MEMO1: variants seen among roughly 807,000 people sequenced by gnomAD.
MEMO1 encodes protein MEMO1.
In MEMO1, 6 loss-of-function variants were observed where a neutral mutation model predicts 45.2. That is an observed-to-expected ratio of 0.13 (90% confidence interval 0.07 to 0.26). MEMO1 has a LOEUF of 0.26. Ranked by LOEUF, MEMO1 falls within the 10% of genes least tolerant of loss-of-function variation. The pLI, the probability that MEMO1 is intolerant of heterozygous loss-of-function variation, is 1.00. For missense variants in MEMO1, 184 were observed against 370.5 expected (o/e 0.50, Z 4.13); for synonymous variants, 78 against 124.3 (o/e 0.63, Z 2.48).
chr2:31,885,626 G>A (rs1365457827), intron 7 of MEMO1, among the ~76,000 whole-genome samples: 5 of 152,104 alleles, frequency 3.3e-5, no homozygotes, highest in African/African-American at 1.2e-4. Context: ...CTCACTATAA[G>A]AACAATATTC....
intron 6 of MEMO1, among the ~76,000 whole-genome samples, chr2:31,897,389 C>T (rs1183036953): frequency 6.6e-6 from 1 of 152,184 alleles, no homozygotes; most frequent in Non-Finnish European, 1.5e-5. Context: ...GAGATACATT[C>T]CATCAATATC....
chr2:31,914,605 T>A (rs1681131797), intron 6 of MEMO1, among the ~76,000 whole-genome samples: 1 of 152,062 alleles, frequency 6.6e-6, no homozygotes, highest in African/African-American at 2.4e-5. Flanking sequence ...ATGTACCCCA[T>A]ATATACACCA....
At chr2:31,967,372 C>T (rs550746499) in intron 2 of MEMO1, among the ~76,000 whole-genome samples, 1 of 152,322 alleles carries the variant, frequency 6.6e-6, no homozygotes, top group East Asian at 1.9e-4. Flanking sequence ...GATCCGCCTG[C>T]CTCAGCCTCC....
chr2:31,953,766 G>A (rs1667111765), intron 2 of MEMO1, among the ~76,000 whole-genome samples: 1 of 151,974 alleles, frequency 6.6e-6, no homozygotes, highest in Non-Finnish European at 1.5e-5. Flanking sequence ...CCCTTTATAA[G>A]ATTTTGATAC....
intron 8 of MEMO1, among the ~76,000 whole-genome samples, chr2:31,876,692 C>T (rs1674617910): frequency 6.6e-6 from 1 of 152,106 alleles, no homozygotes; most frequent in South Asian, 2.1e-4. Flanking sequence ...CTGCCCCACC[C>T]CCACCAAAAA....
intron 3 of MEMO1, among the ~76,000 whole-genome samples, chr2:31,942,804 G>C (rs1236242302): frequency 6.6e-6 from 1 of 152,054 alleles, no homozygotes; most frequent in Non-Finnish European, 1.5e-5. Flanking sequence ...TTACAGGTGT[G>C]AGCCACCACA....
intron 2 of MEMO1, among the ~76,000 whole-genome samples, chr2:31,993,999 C>A (rs1350049436): frequency 9.1e-6 from 1 of 110,478 alleles, no homozygotes; most frequent in African/African-American, 3.6e-5. Context: ...CTTGCTCTGT[C>A]GCCCAGGCTT....
intron 4 of MEMO1, among the ~76,000 whole-genome samples, chr2:31,922,607 G>T (rs1682486831): frequency 6.6e-6 from 1 of 151,330 alleles, no homozygotes; most frequent in African/African-American, 2.4e-5. Context: ...TCCATAAGTA[G>T]TTTTTTTATC....
chr2:31,945,251 G>A (rs888849899), intron 2 of MEMO1, among the ~76,000 whole-genome samples: 2 of 152,124 alleles, frequency 1.3e-5, no homozygotes, highest in Non-Finnish European at 2.9e-5. Flanking sequence ...TGCACTATAC[G>A]AATATAGCAA....
intron 2 of MEMO1, among the ~76,000 whole-genome samples, chr2:32,008,603 C>T (rs1674400922): frequency 1.3e-5 from 2 of 152,096 alleles, no homozygotes; most frequent in African/African-American, 2.4e-5. Context: ...AAAAAAACCA[C>T]TTCTCTACAT....
chr2:31,870,191 C>T (rs192212454), intron 8 of MEMO1, among the ~76,000 whole-genome samples: 13 of 152,230 alleles, frequency 8.5e-5, no homozygotes, highest in Admixed American at 8.5e-4. Flanking sequence ...TTTCTCCAAA[C>T]TCCAGGTATG....
At chr2:31,921,919 T>A (rs1290543459) in intron 4 of MEMO1, among the ~76,000 whole-genome samples, 1 of 152,170 alleles carries the variant, frequency 6.6e-6, no homozygotes. Context: ...CTTTACAATC[T>A]CTTTATCTTG....
intron 8 of MEMO1, among the ~76,000 whole-genome samples, chr2:31,874,471 T>C (rs1436229185): frequency 6.6e-6 from 1 of 152,094 alleles, no homozygotes; most frequent in Non-Finnish European, 1.5e-5. Context: ...AATTAATTTC[T>C]AAGATATTCA....
chr2:31,896,198 T>G (rs1325124910), intron 6 of MEMO1, among the ~76,000 whole-genome samples: 2 of 152,022 alleles, frequency 1.3e-5, no homozygotes, highest in Non-Finnish European at 1.5e-5. Context: ...ATAGGAGAGT[T>G]TTTAACAAAT....
chr2:31,905,341 TA>T (rs1377339277), intron 6 of MEMO1, among the ~76,000 whole-genome samples: 1 of 152,234 alleles, frequency 6.6e-6, no homozygotes, highest in Non-Finnish European at 1.5e-5. Context: ...ATGACTGAAC[TA>T]AAATTAACAT....
At chr2:31,905,706 T>C (rs545165214) in intron 6 of MEMO1, among the ~76,000 whole-genome samples, 1 of 152,220 alleles carries the variant, frequency 6.6e-6, no homozygotes, top group Non-Finnish European at 1.5e-5. Flanking sequence ...GGCAATATTA[T>C]AAGGCCTTGA....
chr2:31,966,965 T>C (rs1400506274), intron 2 of MEMO1, among the ~76,000 whole-genome samples: 1 of 152,120 alleles, frequency 6.6e-6, no homozygotes, highest in Non-Finnish European at 1.5e-5. Context: ...AAGCTTTGTA[T>C]AAATATAGGA....
chr2:31,961,863 A>G (rs147217803), intron 2 of MEMO1, among the ~76,000 whole-genome samples: 1 of 152,222 alleles, frequency 6.6e-6, no homozygotes, highest in Admixed American at 6.5e-5. Flanking sequence ...AACCAAAAAA[A>G]TCAAGTTTCC....
At chr2:31,916,873 G>C (rs1195564037) in intron 6 of MEMO1, among the ~76,000 whole-genome samples, 1 of 152,036 alleles carries the variant, frequency 6.6e-6, no homozygotes, top group Non-Finnish European at 1.5e-5. Context: ...AATCCAAAAA[G>C]ACTGCGATAA....
Sources: allele counts gnomAD v4.1 joint callset (sites outside exome capture counted in the v4.1 genomes callset), GRCh38; gene constraint gnomAD v4.1.1; transcripts MANE v1.5; gene names NCBI Gene and HGNC (gene_info 2026-07-23, HGNC 2026-07-21).